Variants in SLIT2 observed in about 807,000 individuals in gnomAD.
SLIT2 encodes slit homolog 2 protein.
In SLIT2, 41 loss-of-function variants were observed where a neutral mutation model predicts 185.7. That is an observed-to-expected ratio of 0.22 (90% confidence interval 0.17 to 0.29). The LOEUF is 0.29. Among genes scored for constraint, SLIT2 ranks in the 10% least tolerant of loss-of-function variants. SLIT2 has a pLI of 1.00. For missense variants in SLIT2, 1,571 were observed against 1,909.0 expected, an observed-to-expected ratio of 0.82 and a Z score of 3.30; for synonymous variants, 693 against 680.2, an observed-to-expected ratio of 1.02 and a Z score of -0.29.
intron 4 of SLIT2, among the ~76,000 whole-genome samples, chr4:20,287,105 A>G (rs1475568976): frequency 1.3e-5 from 2 of 152,042 alleles, no homozygotes; most frequent in East Asian, 1.9e-4. Flanking sequence ...GTCTCAAGCT[A>G]TTGTTCTTAT....
At chr4:20,294,553 T>C (rs1716286333) in intron 4 of SLIT2, among the ~76,000 whole-genome samples, 1 of 152,102 alleles carries the variant, frequency 6.6e-6, no homozygotes, top group Non-Finnish European at 1.5e-5. Flanking sequence ...ACTTAGAAAG[T>C]TTTTTGTTTA....
chr4:20,507,670 G>A (rs1433627486), intron 9 of SLIT2, among the ~76,000 whole-genome samples: 1 of 151,544 alleles, frequency 6.6e-6, no homozygotes, highest in African/African-American at 2.4e-5. Flanking sequence ...GTGAATGAAT[G>A]AATTAATGAT....
chr4:20,421,378 G>T (rs1728164138), intron 4 of SLIT2, among the ~76,000 whole-genome samples: 1 of 152,060 alleles, frequency 6.6e-6, no homozygotes, highest in African/African-American at 2.4e-5. Context: ...TTCATTTCTT[G>T]CCTGCAGTGG....
intron 4 of SLIT2, among the ~76,000 whole-genome samples, chr4:20,407,316 G>A (rs1235816974): frequency 2.6e-5 from 4 of 152,102 alleles, no homozygotes; most frequent in African/African-American, 4.8e-5. Flanking sequence ...CAGTCTCTAA[G>A]CAACTTATTT....
At chr4:20,423,656 A>G (rs1026078088) in intron 4 of SLIT2, among the ~76,000 whole-genome samples, 1 of 152,154 alleles carries the variant, frequency 6.6e-6, no homozygotes, top group Non-Finnish European at 1.5e-5. Context: ...AACCTTCAGT[A>G]CTATGATTGG....
At chr4:20,555,732 A>G (rs1724197621) in intron 26 of SLIT2, among the ~76,000 whole-genome samples, 2 of 152,078 alleles carry the variant, frequency 1.3e-5, no homozygotes, top group African/African-American at 4.8e-5. Flanking sequence ...CATTGTAAAT[A>G]TTGACATTTT....
intron 4 of SLIT2, among the ~76,000 whole-genome samples, chr4:20,381,178 G>A (rs981315251): frequency 2.6e-5 from 4 of 152,028 alleles, no homozygotes; most frequent in South Asian, 2.1e-4. Flanking sequence ...ACTTGAACCC[G>A]GGATTCGGAG....
intron 4 of SLIT2, among the ~76,000 whole-genome samples, chr4:20,460,173 T>G: frequency 6.6e-6 from 1 of 152,064 alleles, no homozygotes; most frequent in South Asian, 2.1e-4. Context: ...ATAAATATTT[T>G]TTCTTTTTTT....
chr4:20,354,878 C>A (rs1722180236), intron 4 of SLIT2, among the ~76,000 whole-genome samples: 1 of 122,972 alleles, frequency 8.1e-6, no homozygotes, highest in Non-Finnish European at 1.7e-5. Context: ...ACACGTGTGG[C>A]AAGTCTGCGT....
intron 4 of SLIT2, among the ~76,000 whole-genome samples, chr4:20,325,479 G>A (rs1719499476): frequency 6.6e-6 from 1 of 150,984 alleles, no homozygotes; most frequent in Non-Finnish European, 1.5e-5. Context: ...AAAAAGCCTA[G>A]GCTTAATAAA....
Position 20,541,535 on chromosome 4 carries a change from G to A in SLIT2, c.2059G>A (p.Gly687Arg). The change falls in exon 20 of 37, where the codon GGA becomes AGA. Residue 687 changes from glycine (G) to arginine (R), a missense_variant. By Grantham distance (125) the Gly-to-Arg change is moderately radical (BLOSUM62 -2). This residue lies in a region of SLIT2 where 1,202 missense variants were observed against 1,416.4 expected (regional missense o/e 0.85). Coordinates refer to ENST00000504154, the MANE Select transcript of SLIT2 (RefSeq NM_004787.4). ...EWLRKKRIVT[G>R]NPRCQKPYFL... Reference sequence around the variant, plus strand: ...GCTGAGAAAGAAGAGAATTGTCACGGGAAATCCTAGATGTCAAAAACCATA... The same window carrying A: ...GCTGAGAAAGAAGAGAATTGTCACGAGAAATCCTAGATGTCAAAAACCATA... 1 of 1,613,896 alleles carries A rather than the reference G, an allele frequency of 6.2e-7. No homozygotes were observed. Among genetic ancestry groups the A allele is most frequent in the Non-Finnish European group, 8.5e-7 (1 of 1,179,878 alleles).
At chr4:20,263,965 G>A (rs1428702811) in intron 3 of SLIT2, among the ~76,000 whole-genome samples, 1 of 151,744 alleles carries the variant, frequency 6.6e-6, no homozygotes, top group Non-Finnish European at 1.5e-5. Context: ...CGTAGTATAT[G>A]GTCAACTGAA....
chr4:20,437,914 C>CAAA (rs1224604666), intron 4 of SLIT2, among the ~76,000 whole-genome samples: 40 of 65,034 alleles, frequency 6.2e-4, no homozygotes, highest in Admixed American at 1.1e-3. Context: ...GACTCCGTCT[C>CAAA]AAAAAAAAAA....
At chr4:20,391,896 T>C (rs1725447998) in intron 4 of SLIT2, among the ~76,000 whole-genome samples, 1 of 152,098 alleles carries the variant, frequency 6.6e-6, no homozygotes, top group South Asian at 2.1e-4. Context: ...GTGTGCCATC[T>C]TCTAGAGGAA....
In SLIT2 at chr4:20,472,229, T is replaced by G. The variant is rs543661475; in HGVS notation, c.467+4406T>G. Among the ~76,000 whole-genome samples the G allele has an allele frequency of 2.0e-3, 207 of 103,294 alleles. 2 individuals are homozygous for G. The highest frequency in any genetic ancestry group is 3.6e-3 in the African/African-American group (100 of 27,708). 67.8% of individuals were successfully genotyped at this position (103,294 alleles called of 152,430 possible). A position where few individuals can be genotyped will look rare whatever the true frequency, so the allele number is the denominator to read the frequency against. On this transcript the variant is annotated intron_variant, in intron 5 of 36. Coordinates refer to ENST00000504154, the MANE Select transcript of SLIT2 (RefSeq NM_004787.4). ...AGAAATGTGTGTGTGTGTGTATATA[T>G]ATATAGATCTATATATCTATATATA...
chr4:20,563,016 C>T (rs982302132), intron 26 of SLIT2, among the ~76,000 whole-genome samples: 4 of 151,604 alleles, frequency 2.6e-5, no homozygotes, highest in Admixed American at 1.3e-4. Flanking sequence ...GTGTCAGGTG[C>T]GTAACTAGTG....
At chr4:20,427,057 T>C (rs1312937380) in intron 4 of SLIT2, among the ~76,000 whole-genome samples, 1 of 152,166 alleles carries the variant, frequency 6.6e-6, no homozygotes, top group Non-Finnish European at 1.5e-5. Context: ...TTAAGAAGTA[T>C]GTTTATCTCA....
chr4:20,528,963 C>T lies in SLIT2; in HGVS notation c.1477C>T (p.Arg493Ter). 6.2e-7 allele frequency: 1 copy of T among 1,613,478 alleles called. No homozygotes were observed. Among genetic ancestry groups the T allele is most frequent in the South Asian group, 1.1e-5 (1 of 91,038 alleles). The change falls in exon 16 of 37, where the codon CGA (arginine) becomes TGA (stop). Residue 493 changes from arginine to a stop codon, truncating the protein, a stop_gained. Transcript: ENST00000504154. LOFTEE classifies it high-confidence loss of function. The surrounding 1 kb of genome is among the most constrained non-coding windows in gnomAD (Gnocchi z 4.2). Reference sequence around the variant, plus strand: ...ATTCTCAATAGGTACAGAAGATTATCGATCAAAATTAAGTGGAGACTGCTT... The same window carrying T: ...ATTCTCAATAGGTACAGAAGATTATTGATCAAAATTAAGTGGAGACTGCTT... ...QYFIPGTEDYRSKLSGDCFAD... is the reference protein window; with the variant it reads ...QYFIPGTEDY
chr4:20,456,806 G>A (rs1047793358), intron 4 of SLIT2, among the ~76,000 whole-genome samples: 4 of 152,054 alleles, frequency 2.6e-5, no homozygotes, highest in Non-Finnish European at 4.4e-5. Context: ...CATCAGCCAA[G>A]ACTGAGACTG....
Sources: gnomAD v4.1 joint callset for allele counts (sites outside exome capture counted in the v4.1 genomes callset) on GRCh38, gnomAD v4.1.1 for gene constraint, gnomAD v4.1.1 regional missense constraint, Gnocchi (gnomAD v3.1) non-coding constraint, MANE v1.5 for transcripts, NCBI Gene and HGNC (gene_info 2026-07-23, HGNC 2026-07-21) for gene names.